The following KDM4B variants were observed in gnomAD, a reference collection of about 807,000 sequenced individuals.
The protein encoded by KDM4B is lysine-specific demethylase 4B.
In KDM4B, 32 loss-of-function variants were observed where a neutral mutation model predicts 125.2. The observed-to-expected ratio is 0.26, with a 90% CI of 0.19 to 0.34. KDM4B has a LOEUF of 0.34. Among genes scored for constraint, KDM4B ranks in the 10% least tolerant of loss-of-function variants. The pLI is 1.00. For synonymous variants in KDM4B, 721 were observed against 677.9 expected (o/e 1.06, Z -0.99); for missense variants, 1,190 against 1,577.7 (o/e 0.75, Z 4.16).
chr19:5,125,421 A>C (rs1376167573), intron 11 of KDM4B, among the ~76,000 whole-genome samples: 6 of 152,066 alleles, frequency 3.9e-5, no homozygotes. Flanking sequence ...CTCCCCTGAC[A>C]GTGGCAGTTG....
chr19:5,016,420 G>C (rs1007319858), intron 2 of KDM4B, 81 bp downstream of exon 2: 1 of 152,178 alleles, frequency 6.6e-6, no homozygotes, highest in African/African-American at 2.4e-5. Context: ...TGGGTGGCCC[G>C]CCAGGGAGAA....
chr19:5,093,765 C>A (rs950507781), intron 9 of KDM4B, among the ~76,000 whole-genome samples: 1 of 152,158 alleles, frequency 6.6e-6, no homozygotes, highest in Non-Finnish European at 1.5e-5. Flanking sequence ...CAGTGGTCAC[C>A]GCGCAGGTCA....
chr19:5,136,184 G>A (rs1055243731), intron 15 of KDM4B, among the ~76,000 whole-genome samples: 2 of 152,152 alleles, frequency 1.3e-5, no homozygotes, highest in Admixed American at 6.5e-5. Flanking sequence ...TCAGGCAGCC[G>A]CTACGCCTGT....
intron 2 of KDM4B, among the ~76,000 whole-genome samples, chr19:5,020,035 G>A (rs1387334318): frequency 2.7e-5 from 4 of 148,388 alleles, no homozygotes; most frequent in African/African-American, 1.0e-4. Flanking sequence ...TGGTGTGGAC[G>A]TTGGTGTGCA....
chr19:5,112,110 G>A, intron 10 of KDM4B: 1 of 387,646 alleles, frequency 2.6e-6, no homozygotes, highest in Non-Finnish European at 4.8e-6. Flanking sequence ...AAAATCAGCT[G>A]GGTGTGGTGG....
intron 2 of KDM4B, among the ~76,000 whole-genome samples, chr19:5,030,425 G>C (rs1411145811): frequency 2.6e-5 from 4 of 152,238 alleles, no homozygotes; most frequent in African/African-American, 9.6e-5. Flanking sequence ...GTCCTGTGGG[G>C]CAGGTGGGCT....
At chr19:5,087,882 A>C (rs965183298) in intron 9 of KDM4B, among the ~76,000 whole-genome samples, 1 of 151,838 alleles carries the variant, frequency 6.6e-6, no homozygotes, top group Non-Finnish European at 1.5e-5. Flanking sequence ...CATTCACTGC[A>C]CTCGAGTCTC....
chr19:5,039,770 C>A, intron 3 of KDM4B, 66 bp from the exon 4 acceptor site: 1 of 1,550,348 alleles, frequency 6.5e-7, no homozygotes, highest in Admixed American at 1.7e-5. Context: ...GCCGGTGGCA[C>A]AGTCTGCTCT....
intron 9 of KDM4B, among the ~76,000 whole-genome samples, chr19:5,106,153 G>A (rs1446784390): frequency 2.6e-5 from 4 of 152,196 alleles, no homozygotes; most frequent in African/African-American, 7.2e-5. Flanking sequence ...GTCATTGAAA[G>A]CGTCCTGTAG....
In KDM4B at chr19:5,017,133, C is replaced by T. The variant is rs575835830; in HGVS notation, c.-26+794C>T. Among the ~76,000 whole-genome samples, 6 of 152,270 alleles carry T rather than the reference C, an allele frequency of 3.9e-5. No homozygotes were observed. In the East Asian group the frequency reaches 7.7e-4, roughly 20 times the overall value. On this transcript the variant is annotated intron_variant, in intron 2 of 22. Transcript: ENST00000159111. ...GGGAGGAAGGGGCCCATCCAGGGCC[C>T]CCTGTAGCTAATGAGGGCGAGTGTG...
At chr19:5,146,952 A>AAC (rs1300296181) in intron 21 of KDM4B, among the ~76,000 whole-genome samples, 25 of 150,684 alleles carry the variant, frequency 1.7e-4, no homozygotes, top group African/African-American at 5.6e-4. Flanking sequence ...AAAAAAAAAA[A>AAC]AAAAAAAAAA....
At chr19:4,995,467 C>T (rs1010041418) in intron 1 of KDM4B, among the ~76,000 whole-genome samples, 2 of 152,150 alleles carry the variant, frequency 1.3e-5, no homozygotes, top group African/African-American at 2.4e-5. Flanking sequence ...TTAGTAGAGA[C>T]GGAGTTTCTC....
At chr19:5,087,946 A>T (rs1045589473) in intron 9 of KDM4B, among the ~76,000 whole-genome samples, 1 of 152,162 alleles carries the variant, frequency 6.6e-6, no homozygotes, top group Non-Finnish European at 1.5e-5. Context: ...ACCGGGCAGC[A>T]CAGGTTTAAG....
intron 6 of KDM4B, among the ~76,000 whole-genome samples, chr19:5,064,191 T>C (rs1374242960): frequency 6.6e-6 from 1 of 152,188 alleles, no homozygotes; most frequent in African/African-American, 2.4e-5. Flanking sequence ...GCCGTGGCCC[T>C]CCTGGGCTTG....
At chr19:5,003,647 A>G (rs1242716566) in intron 1 of KDM4B, among the ~76,000 whole-genome samples, 4 of 151,648 alleles carry the variant, frequency 2.6e-5, no homozygotes, top group Admixed American at 6.6e-5. Flanking sequence ...CGTCTCTACT[A>G]AAAATACAAA....
At chr19:5,062,775 G>GTT (rs34134889) in intron 6 of KDM4B, among the ~76,000 whole-genome samples, 1,318 of 89,764 alleles carry the variant, frequency 0.015, 50 homozygotes, top group East Asian at 0.023. Context: ...TAATTAAACT[G>GTT]TTTTTTTTTT....
At chr19:5,009,478 C>CA (rs1467576997) in intron 1 of KDM4B, among the ~76,000 whole-genome samples, 7 of 152,190 alleles carry the variant, frequency 4.6e-5, no homozygotes, top group African/African-American at 1.7e-4. Flanking sequence ...TTGGCTCTTT[C>CA]ACGGCCTGAC....
intron 6 of KDM4B, among the ~76,000 whole-genome samples, chr19:5,067,176 C>T (rs933133658): frequency 1.3e-5 from 2 of 152,184 alleles, no homozygotes; most frequent in African/African-American, 2.4e-5. Context: ...GCACCTGCTC[C>T]GTGCTCGGAG....
At chr19:5,097,307 G>T (rs1234840195) in intron 9 of KDM4B, among the ~76,000 whole-genome samples, 2 of 152,234 alleles carry the variant, frequency 1.3e-5, no homozygotes, top group African/African-American at 4.8e-5. Flanking sequence ...TTGGAGTGCA[G>T]TGGTGCGATC....
Sources: gnomAD v4.1 joint callset for allele counts (sites outside exome capture counted in the v4.1 genomes callset) on GRCh38, gnomAD v4.1.1 for gene constraint, MANE v1.5 for transcripts, NCBI Gene and HGNC (gene_info 2026-07-23, HGNC 2026-07-21) for gene names.